The following SPOCK1 variants were observed in gnomAD, a reference collection of about 807,000 sequenced individuals.
The protein encoded by SPOCK1 is SPARC (osteonectin), cwcv and kazal like domains proteoglycan 1.
Under a neutral mutation model 55.3 loss-of-function variants are expected in SPOCK1, and 23 were observed. The observed-to-expected ratio is 0.42, with a 90% confidence interval of 0.30 to 0.59. SPOCK1 has a LOEUF of 0.59. Ranked by LOEUF, SPOCK1 falls within the 20% of genes least tolerant of loss-of-function variation. The pLI, the probability that SPOCK1 is intolerant of heterozygous loss-of-function variation, is 0.22. For missense variants in SPOCK1, 499 were observed against 552.5 expected (o/e 0.90, Z 0.97); for synonymous variants, 226 against 221.0 (o/e 1.02, Z -0.20).
At position 137,412,346 on chromosome 5, in the gene SPOCK1, G is replaced by A. The variant is rs932570488; in HGVS notation, c.186+86027C>T. Among the ~76,000 whole-genome samples the A allele has an allele frequency of 3.3e-5, 5 of 152,222 alleles. 1 individual carries two copies. The South Asian group carries it at 6.2e-4, about 19-fold the overall frequency. On this transcript the variant is annotated intron_variant, in intron 2 of 10. Coordinates refer to ENST00000394945, the MANE Select transcript of SPOCK1 (RefSeq NM_004598.4). The stretch of plus-strand genomic sequence containing the variant: ...AACATCTGGCAAGCCTATGGAAGTT[G>A]AGCCACAGTGAAACATTAGCTGAAC...
chr5:137,067,128 A>T (rs747489835), intron 6 of SPOCK1, among the ~76,000 whole-genome samples: 12 of 152,198 alleles, frequency 7.9e-5, no homozygotes, highest in Non-Finnish European at 1.6e-4. Context: ...GGCTGAGACC[A>T]GTGGGACAAC....
At chr5:137,471,085 T>C (rs1368738961) in intron 2 of SPOCK1, among the ~76,000 whole-genome samples, 2 of 152,194 alleles carry the variant, frequency 1.3e-5, no homozygotes, top group Non-Finnish European at 2.9e-5. Flanking sequence ...AAATGCTCAC[T>C]AAACGTTGGC....
At chr5:137,274,615 C>T (rs192494268) in intron 2 of SPOCK1, among the ~76,000 whole-genome samples, 14 of 152,322 alleles carry the variant, frequency 9.2e-5, no homozygotes, top group African/African-American at 3.1e-4. Flanking sequence ...CTGAGAGAAA[C>T]ATTAGACTTT....
Position 136,978,534 on chromosome 5 carries a change from C to A in SPOCK1, c.*120G>T, listed in dbSNP as rs139206595. 1 of 1,030,612 alleles carries A rather than the reference C, an allele frequency of 9.7e-7. No individual in the cohort carries two copies. The highest frequency in any genetic ancestry group is 1.6e-5 in the African/African-American group (1 of 61,334). The allele number at this position is 1,030,612 out of a possible 1,614,324, so 63.8% of individuals were successfully genotyped here. On this transcript the variant is annotated 3_prime_UTR_variant, in exon 11 of 11. Coordinates refer to ENST00000394945, the MANE Select transcript of SPOCK1 (RefSeq NM_004598.4). ...AGCAGTTGTCTTCCAAACCTTAGGT[C>A]GGGTATAGAGAGCAACAATGGAGAA...
chr5:137,396,515 T>C lies in SPOCK1; in HGVS notation c.186+101858A>G, dbSNP rs189217990. On this transcript the variant is annotated intron_variant, in intron 2 of 10. Coordinates refer to ENST00000394945, the MANE Select transcript of SPOCK1 (RefSeq NM_004598.4). ...AATGTGGCAGGAATCAGGACTGTGG[T>C]ACCCACAAATCTAGGAAGCACTGGA... Among the ~76,000 whole-genome samples the C allele has an allele frequency of 3.3e-5, 5 of 152,358 alleles. No individual in the cohort carries two copies. The East Asian group carries it at 9.6e-4, about 29-fold the overall frequency.
chr5:137,113,426 T>C lies in SPOCK1; in HGVS notation c.348-865A>G, dbSNP rs1580757206. 2.0e-5 allele frequency among the ~76,000 whole-genome samples: 3 copies of C among 152,154 alleles called. No individual in the cohort carries two copies. In the East Asian group the frequency reaches 5.8e-4, roughly 29 times the overall value. On this transcript the variant is annotated intron_variant, in intron 4 of 10. Transcript: ENST00000394945. ...TACCCGTCTCTGGATAGCCCATCAA[T>C]CAGGCAATTACTGTGCCTTTGAAAT... is the stretch of plus-strand genomic sequence containing the variant.
chr5:137,366,973 T>C (rs755633443), intron 2 of SPOCK1, among the ~76,000 whole-genome samples: 3 of 152,240 alleles, frequency 2.0e-5, no homozygotes, highest in African/African-American at 4.8e-5. Flanking sequence ...ACTGCTTCAA[T>C]TGCTGAGCCA....
Position 136,979,345 on chromosome 5 carries a change from A to C in SPOCK1, c.1116T>G (p.Gly372=). 2.5e-6 allele frequency: 4 copies of C among 1,614,032 alleles called. No individual in the cohort carries two copies. Among genetic ancestry groups the C allele is most frequent in the African/African-American group, 1.3e-5 (1 of 75,024 alleles). ...GNELAGSRKQ[G]AVSCEEEQET... ...GGCCTTACTCACCACAGCTCACAGC[A>C]CCCTGTTTCCTGGAGCCAGCCAACT... The change falls in exon 10 of 11, where the codon GGT becomes GGG. Residue 372 remains glycine, a synonymous_variant. Transcript: ENST00000394945.
chr5:137,059,911 T>C (rs1487280755), intron 6 of SPOCK1, among the ~76,000 whole-genome samples: 1 of 152,144 alleles, frequency 6.6e-6, no homozygotes, highest in Non-Finnish European at 1.5e-5. Flanking sequence ...GCATCTCACA[T>C]GATTCAGAAT....
intron 3 of SPOCK1, among the ~76,000 whole-genome samples, chr5:137,197,292 G>A (rs1755319833): frequency 6.6e-6 from 1 of 152,178 alleles, no homozygotes; most frequent in Non-Finnish European, 1.5e-5. Context: ...TTAAAAAGAT[G>A]TGGCTGAGGA....
chr5:137,073,674 C>T (rs1233564619), intron 5 of SPOCK1, among the ~76,000 whole-genome samples: 4 of 146,742 alleles, frequency 2.7e-5, no homozygotes, highest in Admixed American at 1.4e-4. Flanking sequence ...GAGGAAAATG[C>T]TTTTTTTTTT....
chr5:137,476,552 T>C (rs1290674164), intron 2 of SPOCK1, among the ~76,000 whole-genome samples: 1 of 152,172 alleles, frequency 6.6e-6, no homozygotes, highest in African/African-American at 2.4e-5. Flanking sequence ...GTCAGTGATG[T>C]CCTTGGTATC....
chr5:137,136,286 A>C (rs1753984681), intron 4 of SPOCK1, among the ~76,000 whole-genome samples: 1 of 152,172 alleles, frequency 6.6e-6, no homozygotes, highest in Non-Finnish European at 1.5e-5. Context: ...ATAGTATGTT[A>C]TATAATGATT....
chr5:137,322,753 G>C (rs1177726700), intron 2 of SPOCK1, among the ~76,000 whole-genome samples: 1 of 152,038 alleles, frequency 6.6e-6, no homozygotes, highest in African/African-American at 2.4e-5. Flanking sequence ...AAAACACTAA[G>C]AGACAGGCAG....
intron 2 of SPOCK1, among the ~76,000 whole-genome samples, chr5:137,421,377 G>A (rs1019622065): frequency 1.2e-4 from 19 of 152,182 alleles, no homozygotes; most frequent in African/African-American, 3.9e-4. Flanking sequence ...TCGTTGATCT[G>A]TCTAATGTTG....
At chr5:137,000,445 T>C in intron 6 of SPOCK1, among the ~76,000 whole-genome samples, 1 of 152,132 alleles carries the variant, frequency 6.6e-6, no homozygotes, top group Non-Finnish European at 1.5e-5. Context: ...CTCAGGCTGC[T>C]GGAAGCCTTC....
chr5:137,359,693 A>G (rs952437609), intron 2 of SPOCK1, among the ~76,000 whole-genome samples: 1 of 152,232 alleles, frequency 6.6e-6, no homozygotes, highest in African/African-American at 2.4e-5. Flanking sequence ...AGTCCATACT[A>G]AGGAGCAAAT....
At chr5:137,275,713 C>T (rs1391376509) in intron 2 of SPOCK1, among the ~76,000 whole-genome samples, 2 of 152,184 alleles carry the variant, frequency 1.3e-5, no homozygotes, top group Non-Finnish European at 2.9e-5. Flanking sequence ...GAGTTGTATC[C>T]ACCTACCACT....
intron 2 of SPOCK1, 44 bp downstream of exon 2, chr5:137,498,329 G>C (rs1316030713): frequency 6.6e-7 from 1 of 1,518,148 alleles, no homozygotes; most frequent in South Asian, 1.2e-5. Flanking sequence ...GGTCCCCTCC[G>C]AGAGGCTCCG....
Sources: allele counts gnomAD v4.1 joint callset (sites outside exome capture counted in the v4.1 genomes callset), GRCh38; gene constraint gnomAD v4.1.1; transcripts MANE v1.5; gene names NCBI Gene and HGNC (gene_info 2026-07-23, HGNC 2026-07-21).